The following RBMXL1 variants were observed in gnomAD, a reference collection of about 807,000 sequenced individuals.
RBMXL1 encodes RBMX like 1.
Under a neutral mutation model 29.0 loss-of-function variants are expected in RBMXL1, and 18 were observed. The ratio of observed to expected loss-of-function variants is 0.62; its 90% CI spans 0.43 to 0.92. The LOEUF is 0.92. RBMXL1 is among the 40% of genes least tolerant of loss of function. The pLI is 0.00. For synonymous variants in RBMXL1, 141 were observed against 170.4 expected (o/e 0.83, Z 1.34); for missense variants, 403 against 495.8 (o/e 0.81, Z 1.78).
chr1:88,982,555 T>G lies in RBMXL1; in HGVS notation c.*99A>C. 1 of 1,456,258 alleles carries G rather than the reference T, an allele frequency of 6.9e-7. No homozygotes were observed. The highest frequency in any genetic ancestry group is 1.4e-5 in the South Asian group (1 of 70,964). 90.2% of individuals were successfully genotyped at this position (1,456,258 alleles called of 1,614,324 possible). On this transcript the variant is annotated 3_prime_UTR_variant, in exon 3 of 3. Coordinates refer to ENST00000652648, the MANE Select transcript of RBMXL1 (RefSeq NM_001162536.3). Reference sequence around the variant, plus strand: ...GGGAATTTAAAAAAGGTAACACAATTTTTCCTTTTAGTAGTCCTTGGGTAG... The same window carrying G: ...GGGAATTTAAAAAAGGTAACACAATGTTTCCTTTTAGTAGTCCTTGGGTAG...
chr1:88,987,853 G>A (rs1332010975), intron 2 of RBMXL1, among the ~76,000 whole-genome samples: 1 of 152,128 alleles, frequency 6.6e-6, no homozygotes, highest in Non-Finnish European at 1.5e-5. Context: ...ATGTCTTTCT[G>A]CATTTTGGTT....
At chr1:88,984,204 C>CTCT (rs1677299963) in intron 2 of RBMXL1, 138 bp from the exon 3 acceptor site, 14 of 81,474 alleles carry the variant, frequency 1.7e-4, no homozygotes, top group African/African-American at 5.7e-4. Flanking sequence ...TTTTTTGTTG[C>CTCT]TTTTTTTTTT....
intron 1 of RBMXL1, among the ~76,000 whole-genome samples, chr1:88,991,262 A>G (rs1023189429): frequency 6.6e-6 from 1 of 152,238 alleles, no homozygotes; most frequent in African/African-American, 2.4e-5. Flanking sequence ...AATCCTAAGA[A>G]ACTTAAAGCT....
At chr1:88,989,846 C>A (rs1677685772) in intron 1 of RBMXL1, among the ~76,000 whole-genome samples, 1 of 152,186 alleles carries the variant, frequency 6.6e-6, no homozygotes, top group African/African-American at 2.4e-5. Flanking sequence ...CAGCACATTA[C>A]CTCCATCATG....
chr1:88,983,197 T>G lies in RBMXL1; in HGVS notation c.630A>C (p.Arg210Ser), dbSNP rs1677200943. Residue 210 changes from arginine to serine, a missense_variant, in exon 3 of 3, where the codon AGA becomes AGC. Physicochemically the swap from Arg to Ser is moderately radical, Grantham distance 110 (BLOSUM62 -1). Transcript: ENST00000652648. ...TGTCTTTAGTAGAATACCCATCATC[T>G]CTTGGGGACAAATAAACATCTCTAC... is the stretch of plus-strand genomic sequence containing the variant. Reference protein sequence around the residue: ...PSRRDVYLSPRDDGYSTKDSY... With the variant: ...PSRRDVYLSPSDDGYSTKDSY... 1 of 1,612,732 alleles carries G rather than the reference T, an allele frequency of 6.2e-7. No individual in the cohort carries two copies. Among genetic ancestry groups the G allele is most frequent in the East Asian group, 2.2e-5 (1 of 44,888 alleles).
In RBMXL1 at chr1:88,983,680, T is replaced by G; in HGVS notation, c.147A>C (p.Arg49Ser). The G allele has an allele frequency of 6.2e-7, 1 of 1,613,860 alleles. No homozygotes were observed. The highest frequency in any genetic ancestry group is 8.5e-7 in the Non-Finnish European group (1 of 1,179,996). ...TTTCAAAGGTGACAAAAGCAAATCCTCTTGATTTGTTGGTTTCACGGTCTT... is the reference window on the plus strand; with the variant it reads ...TTTCAAAGGTGACAAAAGCAAATCCGCTTGATTTGTTGGTTTCACGGTCTT... ...LIKDRETNKS[R>S]GFAFVTFESP... The change falls in exon 3 of 3, where the codon AGA becomes AGC. Residue 49 changes from arginine to serine, a missense_variant. By Grantham distance (110) the Arg-to-Ser change is moderately radical (BLOSUM62 -1). Transcript: ENST00000652648.
rs12068415 is a variant in RBMXL1 at position 88,982,127 on chromosome 1, G to A, written c.*527C>T. ...CCATTTGCTTTTTTTGGGTTTACTG[G>A]GTGAATAGCACTTTCCTTACATAGG... On this transcript the variant is annotated 3_prime_UTR_variant, in exon 3 of 3. Transcript: ENST00000652648. The A allele has an allele frequency of 1.0e-6, 1 of 980,496 alleles. No individual in the cohort carries two copies. The highest frequency in any genetic ancestry group is 1.8e-5 in the African/African-American group (1 of 56,952). 60.7% of individuals were successfully genotyped at this position (980,496 alleles called of 1,614,324 possible). A position where few individuals can be genotyped will look rare whatever the true frequency, so the allele number is the denominator to read the frequency against.
At chr1:88,984,834 C>G (rs1677351193) in intron 2 of RBMXL1, among the ~76,000 whole-genome samples, 1 of 152,112 alleles carries the variant, frequency 6.6e-6, no homozygotes, top group Non-Finnish European at 1.5e-5. Context: ...TATCTTCCCT[C>G]CACCCTGTAG....
Position 88,988,277 on chromosome 1 carries a change from T to C in RBMXL1, c.-266A>G, listed in dbSNP as rs1677586479. On this transcript the variant is annotated 5_prime_UTR_variant, in exon 2 of 3. Transcript: ENST00000652648. ...AGCAGAAGTAGAGAATCCGAGGATT[T>C]TGGAAGAAGAAATTGTCTTCAGGAA... is the stretch of plus-strand genomic sequence containing the variant. 1.2e-6 allele frequency: 2 copies of C among 1,613,472 alleles called. No individual in the cohort carries two copies. The highest frequency in any genetic ancestry group is 2.7e-5 in the African/African-American group (2 of 74,920).
chr1:88,989,439 C>A (rs1314345595), intron 1 of RBMXL1, among the ~76,000 whole-genome samples: 1 of 152,104 alleles, frequency 6.6e-6, no homozygotes, highest in African/African-American at 2.4e-5. Flanking sequence ...CCATTTTTCA[C>A]AATAGGTGAA....
intron 2 of RBMXL1, among the ~76,000 whole-genome samples, chr1:88,986,770 A>G (rs1296248163): frequency 1.3e-5 from 2 of 152,222 alleles, no homozygotes; most frequent in Non-Finnish European, 2.9e-5. Context: ...GTAAGTTCAC[A>G]GTAACTTATC....
intron 1 of RBMXL1, among the ~76,000 whole-genome samples, chr1:88,988,801 A>T (rs1677621247): frequency 1.3e-5 from 2 of 152,228 alleles, no homozygotes; most frequent in Admixed American, 1.3e-4. Flanking sequence ...ACAGTTATTT[A>T]AAAAGTTGTT....
Position 88,984,063 on chromosome 1 carries a change from G to T in RBMXL1, c.-237C>A. The T allele has an allele frequency of 2.3e-6, 1 of 443,888 alleles. No homozygotes were observed. Among genetic ancestry groups the T allele is most frequent in the Non-Finnish European group, 4.4e-6 (1 of 228,604 alleles). 27.5% of individuals were successfully genotyped at this position (443,888 alleles called of 1,614,324 possible). On this transcript the variant is annotated 5_prime_UTR_variant, in exon 3 of 3. Transcript: ENST00000652648. ...AGATGGCAGAGGAAAACAACAGAATGTTCCTGTAATGGTGGAAGAAATGAA... is the reference window on the plus strand; with the variant it reads ...AGATGGCAGAGGAAAACAACAGAATTTTCCTGTAATGGTGGAAGAAATGAA...
Position 88,983,227 on chromosome 1 carries a change from G to C in RBMXL1, c.600C>G (p.Pro200=). 1 of 1,613,286 alleles carries C rather than the reference G, an allele frequency of 6.2e-7. No individual in the cohort carries two copies. The highest frequency in any genetic ancestry group is 8.5e-7 in the Non-Finnish European group (1 of 1,179,962). Residue 200 remains proline (P), a synonymous_variant, in exon 3 of 3, where the codon CCC becomes CCG. Coordinates refer to ENST00000652648, the MANE Select transcript of RBMXL1 (RefSeq NM_001162536.3). ...GGGACAAATAAACATCTCTACGAGA[G>C]GGGAGCGGTTCCCTTCGAGGTGGAC... is the stretch of plus-strand genomic sequence containing the variant. ...YGGPPRREPL[P]SRRDVYLSPR...
At position 88,988,612 on chromosome 1, in the gene RBMXL1, T is replaced by A. The variant is rs79282657; in HGVS notation, c.-340-261A>T. 4.5e-3 allele frequency among the ~76,000 whole-genome samples: 681 copies of A among 152,256 alleles called. 37 individuals carry two copies. In the East Asian group the frequency reaches 0.097, roughly 22 times the overall value. On this transcript the variant is annotated intron_variant, in intron 1 of 2. Coordinates refer to ENST00000652648, the MANE Select transcript of RBMXL1 (RefSeq NM_001162536.3). ...AGAGAGCTTTAAGAATATTCTTAAT[T>A]AAAAAAATAAGGCTTTAATTTAGTC...
intron 1 of RBMXL1, 77 bp from the exon 2 acceptor site, chr1:88,988,428 T>C: frequency 1.3e-6 from 1 of 769,152 alleles, no homozygotes; most frequent in Non-Finnish European, 2.2e-6. Flanking sequence ...TACAGCTAGC[T>C]GATGTATCAT....
chr1:88,989,836 C>T (rs182140568), intron 1 of RBMXL1, among the ~76,000 whole-genome samples: 1 of 152,284 alleles, frequency 6.6e-6, no homozygotes, highest in African/African-American at 2.4e-5. Flanking sequence ...CTGTCTTCTA[C>T]AGCACATTAC....
rs1033365873 is a variant in RBMXL1 at position 88,981,335 on chromosome 1, T to C, written c.*1319A>G. The C allele has an allele frequency of 6.6e-6, 1 of 152,266 alleles. No individual in the cohort carries two copies. The highest frequency in any genetic ancestry group is 1.5e-5 in the Non-Finnish European group (1 of 68,056). The allele number at this position is 152,266 out of a possible 1,614,324, so 9.4% of individuals were successfully genotyped here. A position where few individuals can be genotyped will look rare whatever the true frequency, so the allele number is the denominator to read the frequency against. ...ATATCCATCATTTTTATAATTCATCTTAAGTTCTAAATTGAAGAGTTGTCC... is the reference window on the plus strand; with the variant it reads ...ATATCCATCATTTTTATAATTCATCCTAAGTTCTAAATTGAAGAGTTGTCC... On this transcript the variant is annotated 3_prime_UTR_variant, in exon 3 of 3. Transcript: ENST00000652648.
At chr1:88,988,432 G>GTA in intron 1 of RBMXL1, 81 bp from the exon 2 acceptor site, 1 of 772,294 alleles carries the variant, frequency 1.3e-6, no homozygotes, top group Non-Finnish European at 2.2e-6. Context: ...GCTAGCTGAT[G>GTA]TATCATAAGC....
Sources: gnomAD v4.1 joint callset for allele counts (sites outside exome capture counted in the v4.1 genomes callset) on GRCh38, gnomAD v4.1.1 for gene constraint, MANE v1.5 for transcripts, NCBI Gene and HGNC (gene_info 2026-07-23, HGNC 2026-07-21) for gene names.